Variants in E2F6 observed in about 807,000 individuals in gnomAD.
E2F6 encodes the protein transcription factor E2F6.
E2F6 carries 19 observed loss-of-function variants against 31.5 expected under a neutral mutation model. That is an observed-to-expected ratio of 0.60 (90% CI 0.42 to 0.89). E2F6 has a LOEUF of 0.89. Ranked by LOEUF, E2F6 falls within the 40% of genes least tolerant of loss-of-function variation. The pLI, the probability that E2F6 is intolerant of heterozygous loss-of-function variation, is 0.00. For synonymous variants in E2F6, 121 were observed against 127.7 expected, an observed-to-expected ratio of 0.95 and a Z score of 0.36; for missense variants, 269 against 341.6, an observed-to-expected ratio of 0.79 and a Z score of 1.67.
rs754579354 is a variant in E2F6 at position 11,465,830 on chromosome 2, G to A, written c.50C>T (p.Pro17Leu). 3.8e-6 allele frequency: 6 copies of A among 1,593,476 alleles called. No individual in the cohort carries two copies. Among genetic ancestry groups the A allele is most frequent in the Non-Finnish European group, 5.1e-6 (6 of 1,171,108 alleles). The change falls in exon 1 of 7, where the codon CCG becomes CTG. Residue 17 changes from proline (P) to leucine (L), a missense_variant. By Grantham distance (98) the Pro-to-Leu change is moderately conservative. Transcript: ENST00000381525. ...CCGACGGCGAACCGTCTCCTCCGTC[G>A]GGTCCAGGAGGAGACTGGGTAACTT... ...ARKLPSLLLDPTEETVRRRCR... is the reference protein window; with the variant it reads ...ARKLPSLLLDLTEETVRRRCR...
chr2:11,465,662 A>G (rs1572522218), intron 1 of E2F6, 110 bp downstream of exon 1: 1 of 1,112,814 alleles, frequency 9.0e-7, no homozygotes, highest in South Asian at 1.4e-5. Context: ...CGCCTGGCCC[A>G]GGGGGAGCAG....
chr2:11,458,544 C>G (rs527501012), intron 1 of E2F6, among the ~76,000 whole-genome samples: 1 of 152,100 alleles, frequency 6.6e-6, no homozygotes, highest in Admixed American at 6.5e-5. Context: ...TATGTCATAA[C>G]CAGTAGAGAA....
chr2:11,465,178 CAAA>C (rs59561027), intron 1 of E2F6, among the ~76,000 whole-genome samples: 6 of 88,600 alleles, frequency 6.8e-5, no homozygotes, highest in Non-Finnish European at 1.3e-4. Context: ...AACTCAATCT[CAAA>C]AAAAAAAAAA....
At chr2:11,448,260 T>C (rs572358848) in intron 5 of E2F6, among the ~76,000 whole-genome samples, 16 of 152,230 alleles carry the variant, frequency 1.1e-4, no homozygotes, top group Admixed American at 1.0e-3. Flanking sequence ...CATTATGATA[T>C]TCACATCCTT....
chr2:11,451,762 T>C lies in E2F6; in HGVS notation c.425A>G (p.Lys142Arg). Residue 142 changes from lysine to arginine, a missense_variant, in exon 4 of 7, where the codon AAG (lysine) becomes AGG (arginine). By Grantham distance (26) the Lys-to-Arg change is conservative (BLOSUM62 2). Coordinates refer to ENST00000381525, the MANE Select transcript of E2F6 (RefSeq NM_198256.4). ...SNFGAVPQQK[K>R]LQEELSDLSA... The stretch of plus-strand genomic sequence containing the variant: ...TAAGTCAGAAAGTTCCTCCTGTAGC[T>C]TCTTTTGTTGGGGAACTGCTCCAAA... 1 of 1,609,190 alleles carries C rather than the reference T, an allele frequency of 6.2e-7. No homozygotes were observed. Among genetic ancestry groups the C allele is most frequent in the Non-Finnish European group, 8.5e-7 (1 of 1,177,000 alleles).
rs770599612 is a variant in E2F6 at position 11,453,727 on chromosome 2, C to G, written c.235G>C (p.Val79Leu). Residue 79 changes from valine (V) to leucine (L), a missense_variant, in exon 3 of 7, where the codon GTC becomes CTC. Val to Leu is a conservative substitution (Grantham distance 32). Transcript: ENST00000381525. ...AGAATACCCCCGGGAGCAGATCTGACAAGATCCATAAATTTTCGAGTTAAA... is the reference window on the plus strand; with the variant it reads ...AGAATACCCCCGGGAGCAGATCTGAGAAGATCCATAAATTTTCGAGTTAAA... ...VYLTRKFMDLVRSAPGGILDL... is the reference protein window; with the variant it reads ...VYLTRKFMDLLRSAPGGILDL... The G allele has an allele frequency of 1.9e-6, 3 of 1,614,040 alleles. No homozygotes were observed. The African/African-American group carries it at 4.0e-5, about 22-fold the overall frequency.
chr2:11,463,361 A>T lies in E2F6; in HGVS notation c.108+2411T>A, dbSNP rs150908600. On this transcript the variant is annotated intron_variant, in intron 1 of 6. Transcript: ENST00000381525. ...GGAGTAGGATTTTCTCTTATTTATGATTTTCTTAATAACATTTTCTTTTCT... is the reference window on the plus strand; with the variant it reads ...GGAGTAGGATTTTCTCTTATTTATGTTTTTCTTAATAACATTTTCTTTTCT... 3.6e-4 allele frequency among the ~76,000 whole-genome samples: 55 copies of T among 152,304 alleles called. No individual in the cohort carries two copies. The East Asian group carries it at 9.8e-3, about 27-fold the overall frequency.
chr2:11,458,233 A>G, intron 1 of E2F6: 1 of 1,546,346 alleles, frequency 6.5e-7, no homozygotes, highest in Non-Finnish European at 8.8e-7. Flanking sequence ...GTACTCTAAG[A>G]AGAGAATCAA....
In E2F6 at chr2:11,444,998, C is replaced by G. The variant is rs1356421271; in HGVS notation, c.*1479G>C. The G allele has an allele frequency of 6.6e-6, 1 of 152,196 alleles. No homozygotes were observed. Among genetic ancestry groups the G allele is most frequent in the African/African-American group, 2.4e-5 (1 of 41,432 alleles). The allele number at this position is 152,196 out of a possible 1,614,324, so 9.4% of individuals were successfully genotyped here. A position where few individuals can be genotyped will look rare whatever the true frequency, so the allele number is the denominator to read the frequency against. ...CCGCTGGGGGAGGAGCACACTTCAT[C>G]CCCAGGTGCACAGAAACACACCGGC... is the stretch of plus-strand genomic sequence containing the variant. On this transcript the variant is annotated 3_prime_UTR_variant, in exon 7 of 7. Transcript: ENST00000381525.
Position 11,451,740 on chromosome 2 carries a change from G to A in E2F6, c.447C>T (p.Asp149=), listed in dbSNP as rs372426239. 1.2e-5 allele frequency: 20 copies of A among 1,609,344 alleles called. No homozygotes were observed. Among genetic ancestry groups the A allele is most frequent in the Non-Finnish European group, 1.7e-5 (20 of 1,177,246 alleles). ...QQKKLQEELS[D]LSAMEDALDE... ...CCAAAGCATCTTCCATTGCTGATAA[G>A]TCAGAAAGTTCCTCCTGTAGCTTCT... is the stretch of plus-strand genomic sequence containing the variant. The change falls in exon 4 of 7, where the codon GAC becomes GAT. Residue 149 remains aspartate (D), a synonymous_variant. Coordinates refer to ENST00000381525, the MANE Select transcript of E2F6 (RefSeq NM_198256.4).
At chr2:11,465,088 G>A (rs552552891) in intron 1 of E2F6, among the ~76,000 whole-genome samples, 7 of 141,248 alleles carry the variant, frequency 5.0e-5, no homozygotes, top group Non-Finnish European at 9.0e-5. Flanking sequence ...TGAAGCAGGA[G>A]AATCTCTTGA....
intron 1 of E2F6, among the ~76,000 whole-genome samples, chr2:11,463,397 T>C (rs1259949867): frequency 6.6e-6 from 1 of 152,234 alleles, no homozygotes; most frequent in Non-Finnish European, 1.5e-5. Context: ...TTAGCTACTT[T>C]ACTATAAGAA....
intron 5 of E2F6, among the ~76,000 whole-genome samples, chr2:11,448,613 C>T (rs980445127): frequency 1.3e-5 from 2 of 152,150 alleles, no homozygotes; most frequent in African/African-American, 2.4e-5. Flanking sequence ...GGCTAGAGAA[C>T]ATCTGTGCTC....
rs180940640 is a variant in E2F6 at position 11,454,964 on chromosome 2, A to G, written c.164-1166T>C. Reference sequence around the variant, plus strand: ...TATGCAGTATTTGCTATTTATCCCAATATTAGAAATTAGACCATCTCCAAC... The same window carrying G: ...TATGCAGTATTTGCTATTTATCCCAGTATTAGAAATTAGACCATCTCCAAC... On this transcript the variant is annotated intron_variant, in intron 2 of 6. Transcript: ENST00000381525. 5.4e-4 allele frequency among the ~76,000 whole-genome samples: 82 copies of G among 152,340 alleles called. No individual in the cohort carries two copies. The East Asian group carries it at 9.2e-3, about 17-fold the overall frequency.
chr2:11,460,701 A>G (rs951985138), intron 1 of E2F6, among the ~76,000 whole-genome samples: 1 of 152,204 alleles, frequency 6.6e-6, no homozygotes, highest in African/African-American at 2.4e-5. Flanking sequence ...CCTAGATGGT[A>G]CAGCCCACTA....
At chr2:11,453,407 A>T (rs977232473) in intron 3 of E2F6, among the ~76,000 whole-genome samples, 175 bp downstream of exon 3, 3 of 152,226 alleles carry the variant, frequency 2.0e-5, no homozygotes, top group Non-Finnish European at 4.4e-5. Flanking sequence ...AATACTTTTT[A>T]AAAAATTTAT....
chr2:11,451,554 T>A (rs1671070367), intron 4 of E2F6, 97 bp downstream of exon 4: 2 of 1,234,898 alleles, frequency 1.6e-6, no homozygotes, highest in South Asian at 1.8e-5. Context: ...TAATTTTATA[T>A]CTTAAATATA....
chr2:11,446,593 C>A, intron 6 of E2F6, 70 bp from the exon 7 acceptor site: 1 of 1,298,740 alleles, frequency 7.7e-7, no homozygotes. Context: ...TAGGCAAATA[C>A]GTAAAAGAAT....
intron 5 of E2F6, among the ~76,000 whole-genome samples, chr2:11,449,296 G>GA (rs1670915245): frequency 6.6e-6 from 1 of 152,098 alleles, no homozygotes; most frequent in African/African-American, 2.4e-5. Flanking sequence ...GGGACAAAAG[G>GA]AAAAACAGGT....
Sources: gnomAD v4.1 joint callset for allele counts (sites outside exome capture counted in the v4.1 genomes callset) on GRCh38, gnomAD v4.1.1 for gene constraint, MANE v1.5 for transcripts, NCBI Gene and HGNC (gene_info 2026-07-23, HGNC 2026-07-21) for gene names.